Variants in LRMDA observed in about 807,000 individuals in gnomAD.
LRMDA encodes leucine rich melanocyte differentiation associated.
A neutral mutation model predicts 29.8 loss-of-function variants in LRMDA; 18 were observed. The ratio of observed to expected loss-of-function variants is 0.60; its 90% CI spans 0.42 to 0.90. LRMDA has a LOEUF of 0.90. Ranked by LOEUF, LRMDA falls within the 40% of genes least tolerant of loss-of-function variation. The pLI is 0.00. For synonymous variants in LRMDA, 125 were observed against 109.4 expected (o/e 1.14, Z -0.89); for missense variants, 273 against 273.9 (o/e 1.00, Z 0.02).
intron 5 of LRMDA, among the ~76,000 whole-genome samples, chr10:76,321,594 C>A (rs1195276713): frequency 6.6e-6 from 1 of 151,332 alleles, no homozygotes; most frequent in Non-Finnish European, 1.5e-5. Flanking sequence ...TATTTCCTGA[C>A]AGGAGAATTT....
intron 5 of LRMDA, among the ~76,000 whole-genome samples, chr10:76,212,693 T>C (rs1311211074): frequency 6.6e-6 from 1 of 152,236 alleles, no homozygotes; most frequent in Non-Finnish European, 1.5e-5. Context: ...GTTTCAGATA[T>C]TGAAATTAGC....
rs115352509 is a variant in LRMDA at position 75,609,848 on chromosome 10, G to T, written c.131+171354G>T. On this transcript the variant is annotated intron_variant, in intron 2 of 6. Transcript: ENST00000611255. ...AAGGTCTTCAGTAGGCAGGGATGTA[G>T]TCTCCCTAGTGAGAAGAAGAGGCTG... Among the ~76,000 whole-genome samples, 377 of 152,278 alleles carry T rather than the reference G, an allele frequency of 2.5e-3. 5 individuals are homozygous for T. Among genetic ancestry groups the T allele is most frequent in the African/African-American group, 9.0e-3 (373 of 41,560 alleles).
At chr10:76,217,294 T>A (rs1042483920) in intron 5 of LRMDA, among the ~76,000 whole-genome samples, 3 of 152,228 alleles carry the variant, frequency 2.0e-5, no homozygotes, top group Non-Finnish European at 4.4e-5. Flanking sequence ...TCCCCCAAAC[T>A]GTATTCCATA....
At chr10:75,565,918 T>A (rs978986122) in intron 2 of LRMDA, among the ~76,000 whole-genome samples, 2 of 152,018 alleles carry the variant, frequency 1.3e-5, no homozygotes, top group African/African-American at 4.8e-5. Flanking sequence ...CTATAAAAAA[T>A]TTAAAAATTA....
chr10:75,958,766 T>A (rs1490067470), intron 2 of LRMDA, among the ~76,000 whole-genome samples: 2 of 152,118 alleles, frequency 1.3e-5, no homozygotes, highest in African/African-American at 4.8e-5. Context: ...TACCCGAGAC[T>A]CGGTAATTTA....
chr10:75,532,719 A>G (rs1276840049), intron 2 of LRMDA, among the ~76,000 whole-genome samples: 2 of 152,108 alleles, frequency 1.3e-5, no homozygotes, highest in Non-Finnish European at 2.9e-5. Flanking sequence ...TAGGATGCAG[A>G]CAACCTGCAT....
At chr10:75,757,751 C>T (rs1014704704) in intron 2 of LRMDA, among the ~76,000 whole-genome samples, 6 of 151,678 alleles carry the variant, frequency 4.0e-5, no homozygotes, top group African/African-American at 7.3e-5. Flanking sequence ...GACCACTTTA[C>T]TCTGCATTGT....
At chr10:76,110,875 A>G (rs1849566292) in intron 5 of LRMDA, among the ~76,000 whole-genome samples, 1 of 152,078 alleles carries the variant, frequency 6.6e-6, no homozygotes, top group Non-Finnish European at 1.5e-5. Context: ...GAGTGTATTC[A>G]CTACCATAGC....
intron 5 of LRMDA, among the ~76,000 whole-genome samples, chr10:76,292,067 C>G (rs1018023804): frequency 6.6e-6 from 1 of 152,034 alleles, no homozygotes; most frequent in African/African-American, 2.4e-5. Flanking sequence ...AGCAGGCCCC[C>G]GGTGGATGTT....
At chr10:75,703,001 T>C (rs764173649) in intron 2 of LRMDA, among the ~76,000 whole-genome samples, 1 of 152,222 alleles carries the variant, frequency 6.6e-6, no homozygotes, top group Non-Finnish European at 1.5e-5. Context: ...AGTAGACTGT[T>C]ATATCTTCCT....
chr10:75,670,651 G>A (rs558446952), intron 2 of LRMDA, among the ~76,000 whole-genome samples: 93 of 152,236 alleles, frequency 6.1e-4, no homozygotes, highest in African/African-American at 2.1e-3. Context: ...CTTGGTGTGC[G>A]TTGACCATTA....
chr10:75,635,630 A>G (rs1400416143), intron 2 of LRMDA, among the ~76,000 whole-genome samples: 2 of 152,174 alleles, frequency 1.3e-5, no homozygotes, highest in Non-Finnish European at 2.9e-5. Flanking sequence ...TTCTACAGTT[A>G]CAGGGATTGA....
intron 2 of LRMDA, among the ~76,000 whole-genome samples, chr10:75,777,808 T>C (rs1843332294): frequency 6.6e-6 from 1 of 152,214 alleles, no homozygotes; most frequent in Non-Finnish European, 1.5e-5. Context: ...ATGAAGGCTA[T>C]GTGACTTAAT....
At chr10:76,300,513 G>C (rs1323182632) in intron 5 of LRMDA, among the ~76,000 whole-genome samples, 1 of 152,212 alleles carries the variant, frequency 6.6e-6, no homozygotes, top group African/African-American at 2.4e-5. Flanking sequence ...CTGTCTAATA[G>C]AGAAGTTAAT....
intron 2 of LRMDA, among the ~76,000 whole-genome samples, chr10:75,892,011 G>T (rs978349481): frequency 7.9e-5 from 12 of 152,302 alleles, no homozygotes; most frequent in Non-Finnish European, 1.6e-4. Flanking sequence ...GATATTTAAA[G>T]TCATGAGGCT....
intron 2 of LRMDA, among the ~76,000 whole-genome samples, chr10:75,875,531 T>A (rs1185693628): frequency 1.3e-5 from 2 of 152,172 alleles, no homozygotes; most frequent in African/African-American, 4.8e-5. Flanking sequence ...CCTCCCGGGT[T>A]CAAGCGATTC....
intron 6 of LRMDA, among the ~76,000 whole-genome samples, chr10:76,355,728 A>C (rs1025025722): frequency 4.6e-5 from 7 of 152,164 alleles, no homozygotes; most frequent in African/African-American, 1.7e-4. Flanking sequence ...TAACTGCATA[A>C]GTTGTATGAA....
At chr10:75,565,839 C>T (rs1270663630) in intron 2 of LRMDA, among the ~76,000 whole-genome samples, 6 of 152,134 alleles carry the variant, frequency 3.9e-5, no homozygotes, top group South Asian at 2.1e-4. Context: ...CTTTGGGAGG[C>T]CAAGGTGGAT....
Position 76,277,591 on chromosome 10 carries a change from T to G in LRMDA, c.517-46810T>G, listed in dbSNP as rs546189794. 5.9e-5 allele frequency among the ~76,000 whole-genome samples: 9 copies of G among 152,320 alleles called. No individual in the cohort carries two copies. In the South Asian group the frequency reaches 1.9e-3, roughly 32 times the overall value. On this transcript the variant is annotated intron_variant, in intron 5 of 6. Coordinates refer to ENST00000611255, the MANE Select transcript of LRMDA (RefSeq NM_001305581.2). ...TTTGCATGATGTGCTTCTGTCCTCC[T>G]TTTCCTGGTTTTGTTGTTAGTCTGA...
Sources: gnomAD v4.1 joint callset for allele counts (sites outside exome capture counted in the v4.1 genomes callset) on GRCh38, gnomAD v4.1.1 for gene constraint, MANE v1.5 for transcripts, NCBI Gene and HGNC (gene_info 2026-07-23, HGNC 2026-07-21) for gene names.